CMSS1: variants seen among roughly 807,000 people sequenced by gnomAD.
CMSS1 encodes the protein protein CMSS1.
In CMSS1, 33 loss-of-function variants were observed where a neutral mutation model predicts 43.5. The ratio of observed to expected loss-of-function variants is 0.76; its 90% CI spans 0.57 to 1.01. The LOEUF (loss-of-function observed/expected upper bound fraction) is 1.01. Ranked by LOEUF, CMSS1 falls within the 50% of genes least tolerant of loss-of-function variation. The pLI is 0.00. For missense variants in CMSS1, 313 were observed against 326.4 expected (o/e 0.96, Z 0.32); for synonymous variants, 115 against 117.2 (o/e 0.98, Z 0.12).
At chr3:100,157,987 C>G (rs2066991133) in intron 2 of CMSS1, among the ~76,000 whole-genome samples, 1 of 152,196 alleles carries the variant, frequency 6.6e-6, no homozygotes, top group African/African-American at 2.4e-5. Context: ...CTTCTGAAAC[C>G]CAGCTGCTAG....
intron 1 of CMSS1, among the ~76,000 whole-genome samples, chr3:99,842,504 CA>C (rs10935983): frequency 0.73 from 95,697 of 131,434 alleles, 33,610 homozygotes; most frequent in African/African-American, 0.82. Context: ...TAAAACAGGC[CA>C]AAAAAAAAAA....
At chr3:100,046,879 A>G (rs1362062897) in intron 1 of CMSS1, among the ~76,000 whole-genome samples, 1 of 152,182 alleles carries the variant, frequency 6.6e-6, no homozygotes, top group East Asian at 1.9e-4. Context: ...CCTATTTTCC[A>G]TGGTTCAGGA....
intron 1 of CMSS1, among the ~76,000 whole-genome samples, chr3:99,928,510 A>C (rs1707368231): frequency 6.6e-6 from 1 of 152,234 alleles, no homozygotes; most frequent in African/African-American, 2.4e-5. Flanking sequence ...GGTAACTTTC[A>C]GGGGCACCTT....
chr3:99,824,349 TTA>T (rs1485218075), intron 1 of CMSS1, among the ~76,000 whole-genome samples: 2 of 152,212 alleles, frequency 1.3e-5, no homozygotes, highest in African/African-American at 4.8e-5. Flanking sequence ...TATTAAATTA[TTA>T]TGTTATTATA....
chr3:100,146,072 A>G (rs2066846929), intron 1 of CMSS1, among the ~76,000 whole-genome samples: 2 of 152,250 alleles, frequency 1.3e-5, no homozygotes, highest in South Asian at 4.1e-4. Context: ...TTTGAGATAT[A>G]CAGAGAAACT....
At chr3:100,014,558 T>C (rs997135899) in intron 1 of CMSS1, among the ~76,000 whole-genome samples, 2 of 152,150 alleles carry the variant, frequency 1.3e-5, no homozygotes, top group Admixed American at 1.3e-4. Flanking sequence ...GATATCTTAT[T>C]GTGGTTTTAA....
chr3:100,032,250 C>T (rs1163689253), intron 1 of CMSS1, among the ~76,000 whole-genome samples: 2 of 152,264 alleles, frequency 1.3e-5, no homozygotes, highest in African/African-American at 4.8e-5. Flanking sequence ...CAGATGGATG[C>T]GTTGGCCCTT....
At chr3:100,066,285 C>T (rs2065661899) in intron 1 of CMSS1, among the ~76,000 whole-genome samples, 1 of 152,186 alleles carries the variant, frequency 6.6e-6, no homozygotes, top group African/African-American at 2.4e-5. Flanking sequence ...GAGTCAATCA[C>T]TCATTTATAA....
At position 100,178,816 on chromosome 3, in the gene CMSS1, T is replaced by C. The variant is rs1025684693; in HGVS notation, c.*428T>C. ...GAGCAGATTTGTAAACTCTGAGGCA[T>C]GGTCCCAGCAAAAAGGGTGGCAGGT... On this transcript the variant is annotated 3_prime_UTR_variant, in exon 10 of 10. Transcript: ENST00000421999. 1 of 160,068 alleles carries C rather than the reference T, an allele frequency of 6.2e-6. No individual in the cohort carries two copies. Among genetic ancestry groups the C allele is most frequent in the African/African-American group, 2.4e-5 (1 of 41,520 alleles). 9.9% of individuals were successfully genotyped at this position (160,068 alleles called of 1,614,324 possible).
At chr3:99,922,074 T>C (rs955793866) in intron 1 of CMSS1, among the ~76,000 whole-genome samples, 7 of 152,230 alleles carry the variant, frequency 4.6e-5, no homozygotes, top group African/African-American at 1.7e-4. Context: ...ATCTGTATCA[T>C]CTTGCCTTTT....
intron 1 of CMSS1, chr3:99,848,867 G>T (rs566997706): frequency 6.8e-6 from 11 of 1,614,092 alleles, no homozygotes; most frequent in Non-Finnish European, 7.6e-6. Flanking sequence ...CCACAGTTCG[G>T]TATCACTGCA....
chr3:100,000,259 G>GA lies in CMSS1; in HGVS notation c.65-146708dup, dbSNP rs1559720459. ...TGTCCGGTGACCTTGCTTTTTGTAGGAAAAAAGTCATCCAAAGGGGCCTCC... is the reference window on the plus strand; with the variant it reads ...TGTCCGGTGACCTTGCTTTTTGTAGGAAAAAAAGTCATCCAAAGGGGCCTCC... On this transcript the variant is annotated intron_variant, in intron 1 of 9. Coordinates refer to ENST00000421999, the MANE Select transcript of CMSS1 (RefSeq NM_032359.4). Among the ~76,000 whole-genome samples the GA allele has an allele frequency of 2.0e-5, 3 of 152,072 alleles. No individual in the cohort carries two copies. In the East Asian group the frequency reaches 5.8e-4, roughly 29 times the overall value.
At chr3:99,847,015 G>A (rs1264858911) in intron 1 of CMSS1, among the ~76,000 whole-genome samples, 1 of 152,190 alleles carries the variant, frequency 6.6e-6, no homozygotes, top group Non-Finnish European at 1.5e-5. Flanking sequence ...GGACTCCCAT[G>A]AGGCAGATAT....
Position 99,848,431 on chromosome 3 carries a change from C to T in CMSS1, c.64+30388C>T, listed in dbSNP as rs140594225. ...GTTATCCTGCAGTGGTGCTGAAGGG[C>T]TGGCAGGTCTCACAGGGCTGGCTAC... On this transcript the variant is annotated intron_variant, in intron 1 of 9. Coordinates refer to ENST00000421999, the MANE Select transcript of CMSS1 (RefSeq NM_032359.4). 611 of 1,614,168 alleles carry T rather than the reference C, an allele frequency of 3.8e-4. 2 individuals carry two copies. The African/African-American group carries it at 7.2e-3, about 19-fold the overall frequency.
intron 8 of CMSS1, among the ~76,000 whole-genome samples, 178 bp downstream of exon 8, chr3:100,172,581 G>A (rs1424990014): frequency 6.6e-6 from 1 of 152,236 alleles, no homozygotes; most frequent in African/African-American, 2.4e-5. Flanking sequence ...AATAGGGAAT[G>A]ATAAGGACTG....
chr3:99,935,837 T>C (rs1707647868), intron 1 of CMSS1, among the ~76,000 whole-genome samples: 1 of 152,196 alleles, frequency 6.6e-6, no homozygotes. Context: ...GTTGAAATCA[T>C]GGTGTATCTT....
At chr3:99,956,337 C>A (rs56140081) in intron 1 of CMSS1, among the ~76,000 whole-genome samples, 8,196 of 152,204 alleles carry the variant, frequency 0.054, 331 homozygotes, top group South Asian at 0.13. Flanking sequence ...GTTTCCGATT[C>A]TGTCCCCTCC....
chr3:100,042,701 GT>G (rs932516016), intron 1 of CMSS1, among the ~76,000 whole-genome samples: 8 of 151,990 alleles, frequency 5.3e-5, no homozygotes, highest in African/African-American at 1.7e-4. Context: ...TAGAGAACAG[GT>G]TTTTTTTCTT....
chr3:99,819,293 T>G (rs1282188369), intron 1 of CMSS1, among the ~76,000 whole-genome samples: 1 of 152,196 alleles, frequency 6.6e-6, no homozygotes, highest in Non-Finnish European at 1.5e-5. Context: ...GTTAAAAAGC[T>G]CTATTTTATG....
Sources: allele counts gnomAD v4.1 joint callset (sites outside exome capture counted in the v4.1 genomes callset), GRCh38; gene constraint gnomAD v4.1.1; transcripts MANE v1.5; gene names NCBI Gene and HGNC (gene_info 2026-07-23, HGNC 2026-07-21).